Variants in MTMR10 observed in about 807,000 individuals in gnomAD.
MTMR10 encodes the protein myotubularin-related protein 10.
Under a neutral mutation model 88.1 loss-of-function variants are expected in MTMR10, and 56 were observed. The observed-to-expected ratio is 0.64, with a 90% confidence interval of 0.51 to 0.79. MTMR10 has a LOEUF of 0.79. Ranked by LOEUF, MTMR10 falls within the 30% of genes least tolerant of loss-of-function variation. The pLI, the probability that MTMR10 is intolerant of heterozygous loss-of-function variation, is 0.00. For synonymous variants in MTMR10, 380 were observed against 340.9 expected (o/e 1.11, Z -1.26); for missense variants, 883 against 924.7 (o/e 0.95, Z 0.58).
At chr15:30,927,664 G>A in the MTMR10 span, 21 of 985,644 alleles carry the variant, frequency 2.1e-5, no homozygotes, top group Non-Finnish European at 2.5e-5. Context: ...GGCATGTCAG[G>A]ATGGGGGTCT....
Position 30,940,029 on chromosome 15 carries a change from A to T in MTMR10, c.*1441T>A. The T allele has an allele frequency of 1.0e-6, 1 of 976,580 alleles. No individual in the cohort carries two copies. Among genetic ancestry groups the T allele is most frequent in the Non-Finnish European group, 1.2e-6 (1 of 821,912 alleles). The allele number at this position is 976,580 out of a possible 1,614,324, so 60.5% of individuals were successfully genotyped here. ...AAGAAACAGCTATTCAGTACATATA[A>T]AGGTAAAATACAGTTATCTTGAAAA... On this transcript the variant is annotated 3_prime_UTR_variant, in exon 16 of 16. Coordinates refer to ENST00000435680, the MANE Select transcript of MTMR10 (RefSeq NM_017762.3).
rs1278295282 is a variant in MTMR10 at position 30,942,978 on chromosome 15, T to G, written c.1643A>C (p.Asp548Ala). Residue 548 changes from aspartate (D) to alanine (A), a missense_variant, in exon 15 of 16, where the codon GAT becomes GCT. By Grantham distance (126) the Asp-to-Ala change is moderately radical. Around this residue, in one of 3 missense-constraint regions of MTMR10, gnomAD observed 343 missense variants for 323.2 expected, o/e 1.06. Coordinates refer to ENST00000435680, the MANE Select transcript of MTMR10 (RefSeq NM_017762.3). ...WDWSLQFTAKDRTLFHNPFYI... is the reference protein window; with the variant it reads ...WDWSLQFTAKARTLFHNPFYI... ...GAAGGGGTTATGGAAAAGGGTGCGATCCTTTGCTGTAAACTGGAGAGACCA... is the reference window on the plus strand; with the variant it reads ...GAAGGGGTTATGGAAAAGGGTGCGAGCCTTTGCTGTAAACTGGAGAGACCA... The G allele has an allele frequency of 1.9e-6, 3 of 1,555,140 alleles. No individual in the cohort carries two copies. In the Admixed American group the frequency reaches 5.8e-5, roughly 30 times the overall value.
chr15:30,930,996 G>C, the MTMR10 span, among the ~76,000 whole-genome samples: 2 of 152,160 alleles, frequency 1.3e-5, no homozygotes, highest in African/African-American at 4.8e-5. Context: ...GGGTCACAAC[G>C]GGTGTGGACA....
chr15:30,961,397 T>C (rs888046087), intron 6 of MTMR10, among the ~76,000 whole-genome samples: 2 of 152,092 alleles, frequency 1.3e-5, no homozygotes, highest in East Asian at 1.9e-4. Flanking sequence ...CCATGCACCA[T>C]GTCCAGCTAA....
chr15:30,951,980 C>G lies in MTMR10; in HGVS notation c.1195G>C (p.Val399Leu). Residue 399 changes from valine (V) to leucine (L), a missense_variant, in exon 12 of 16, where the codon GTA (valine) becomes CTA (leucine). This residue lies in a region of MTMR10 where 126 missense variants were observed against 178.2 expected (regional missense o/e 0.71). Transcript: ENST00000435680. ...VYMLESKHLS[V>L]VLQEEEGRDL... ...TTACTTTAGTTACCTTGTAGGACTA[C>G]AGAGAGATGTTTGCTTTCTAGCATG... is the stretch of plus-strand genomic sequence containing the variant. The G allele has an allele frequency of 1.2e-6, 2 of 1,613,532 alleles. No homozygotes were observed. Among genetic ancestry groups the G allele is most frequent in the Middle Eastern group, 1.7e-4 (1 of 6,060 alleles).
At chr15:30,947,660 T>C (rs761544288) in intron 13 of MTMR10, among the ~76,000 whole-genome samples, 23 of 152,356 alleles carry the variant, frequency 1.5e-4, no homozygotes, top group Admixed American at 3.9e-4. Context: ...ACTTCTCTAA[T>C]GTTTGGTTGA....
chr15:30,959,657 G>A (rs906955256), intron 7 of MTMR10, among the ~76,000 whole-genome samples: 6 of 152,196 alleles, frequency 3.9e-5, no homozygotes, highest in Non-Finnish European at 8.8e-5. Flanking sequence ...CCCATCACAT[G>A]TTTCTCAGCA....
chr15:30,960,758 C>T (rs2063390659), intron 7 of MTMR10, 123 bp downstream of exon 7: 22 of 1,194,378 alleles, frequency 1.8e-5, no homozygotes, highest in Admixed American at 3.7e-5. Context: ...TTTATTAAAA[C>T]ATTATTAAAA....
chr15:30,937,447 CTTTTTTTTTT>C (rs11317050), downstream of MTMR10, among the ~76,000 whole-genome samples: 6 of 78,982 alleles, frequency 7.6e-5, no homozygotes, highest in African/African-American at 1.0e-4. Context: ...GGGTAATAAA[CTTTTTTTTTT>C]TTTTTTTTTT....
rs148229930 is a variant in MTMR10 at position 30,946,560 on chromosome 15, G to A, written c.1548+570C>T. ...AGAAAGGCTTCCTGAAGGTCCACAA[G>A]AGCTGCCCCTTTCTGTTTCTCTCAA... On this transcript the variant is annotated intron_variant, in intron 14 of 15. Transcript: ENST00000435680. 168 of 588,354 alleles carry A rather than the reference G, an allele frequency of 2.9e-4. No individual in the cohort carries two copies. In the African/African-American group the frequency reaches 2.9e-3, roughly 10 times the overall value. 36.4% of individuals were successfully genotyped at this position (588,354 alleles called of 1,614,324 possible).
rs2063285765 is a variant in MTMR10 at position 30,953,943 on chromosome 15, C to G, written c.1067-312G>C. 2.6e-5 allele frequency among the ~76,000 whole-genome samples: 4 copies of G among 152,316 alleles called. No individual in the cohort carries two copies. In the South Asian group the frequency reaches 8.3e-4, roughly 32 times the overall value. ...TGCTCAGCCTATGCCTTGATCCTGG[C>G]CCTCCTGACCTGTGAGGTCAGCTGC... is the stretch of plus-strand genomic sequence containing the variant. On this transcript the variant is annotated intron_variant, in intron 10 of 15. Coordinates refer to ENST00000435680, the MANE Select transcript of MTMR10 (RefSeq NM_017762.3).
At chr15:30,938,856 C>T (rs936445328), downstream of MTMR10, 8 of 948,480 alleles carry the variant, frequency 8.4e-6, no homozygotes, top group African/African-American at 1.2e-4. Context: ...CCATGGATGA[C>T]ACAGAAGTAT....
In MTMR10 at chr15:30,948,469, CCT is replaced by C. The variant is rs2063201633; in HGVS notation, c.1208_1209del (p.Glu403GlyfsTer23). 1.9e-6 allele frequency: 3 copies of C among 1,600,628 alleles called. No individual in the cohort carries two copies. Among genetic ancestry groups the C allele is most frequent in the Non-Finnish European group, 2.6e-6 (3 of 1,173,228 alleles). ...CAACAGCTCAAGTCTCTTCCTTCCT[CCT>C]CTGTTAATAAAATGGAAAGAAAATG... ...ESKHLSVVLQ[E>X]EEGRDLSCCV... On this transcript the variant is annotated frameshift_variant and splice_region_variant, in exon 13 of 16. Transcript: ENST00000435680. LOFTEE classifies it high-confidence loss of function.
chr15:30,921,287 CT>C, the MTMR10 span, among the ~76,000 whole-genome samples: 3 of 152,174 alleles, frequency 2.0e-5, no homozygotes, highest in East Asian at 5.8e-4. Context: ...GCCTGAGTCT[CT>C]TTCAGAACTC....
chr15:30,987,115 A>G (rs865856886), intron 2 of MTMR10, among the ~76,000 whole-genome samples: 5 of 152,394 alleles, frequency 3.3e-5, no homozygotes, highest in Middle Eastern at 3.4e-3. Flanking sequence ...AAAGCTGACT[A>G]CTTTGACAGA....
At chr15:30,960,733 C>A in intron 7 of MTMR10, 148 bp downstream of exon 7, 1 of 1,147,848 alleles carries the variant, frequency 8.7e-7, no homozygotes, top group Non-Finnish European at 1.1e-6. Flanking sequence ...AAGCCTTGAT[C>A]TTTAAAATAA....
At chr15:30,942,724 GA>G (rs1446829675) in intron 15 of MTMR10, 165 bp downstream of exon 15, 2 of 686,836 alleles carry the variant, frequency 2.9e-6, no homozygotes, top group Non-Finnish European at 4.5e-6. Context: ...ACACCAGGAA[GA>G]AAGCTGGGAT....
chr15:30,977,593 C>G (rs1454503968), intron 2 of MTMR10, among the ~76,000 whole-genome samples: 1 of 152,118 alleles, frequency 6.6e-6, no homozygotes, highest in East Asian at 1.9e-4. Flanking sequence ...TTATTTAAAG[C>G]TTGGTCATCA....
intron 2 of MTMR10, among the ~76,000 whole-genome samples, chr15:30,978,673 GATAA>G (rs1388653113): frequency 2.6e-5 from 4 of 152,142 alleles, no homozygotes; most frequent in Non-Finnish European, 5.9e-5. Flanking sequence ...TTAATACACA[GATAA>G]AGGATTTGCA....
Sources: gnomAD v4.1 joint callset for allele counts (sites outside exome capture counted in the v4.1 genomes callset) on GRCh38, gnomAD v4.1.1 for gene constraint, gnomAD v4.1.1 regional missense constraint, MANE v1.5 for transcripts, NCBI Gene and HGNC (gene_info 2026-07-23, HGNC 2026-07-21) for gene names.